Variants in SPATA16 observed in about 807,000 individuals in gnomAD.
The protein encoded by SPATA16 is spermatogenesis associated 16.
Under a neutral mutation model 63.3 loss-of-function variants are expected in SPATA16, and 36 were observed. The observed-to-expected ratio is 0.57, with a 90% CI of 0.44 to 0.75. The LOEUF (loss-of-function observed/expected upper bound fraction) is 0.75, where lower values mean the gene tolerates loss of function less well. Among genes scored for constraint, SPATA16 ranks in the 30% least tolerant of loss-of-function variants. The probability of loss-of-function intolerance (pLI) is 0.00; values close to 1 mark genes in which losing one functional copy is unlikely to be tolerated. For missense variants in SPATA16, 646 were observed against 679.3 expected (o/e 0.95, Z 0.54); for synonymous variants, 203 against 216.7 (o/e 0.94, Z 0.56).
chr3:172,962,630 AT>A (rs1253099545), intron 5 of SPATA16, among the ~76,000 whole-genome samples: 2 of 152,122 alleles, frequency 1.3e-5, no homozygotes, highest in Non-Finnish European at 2.9e-5. Flanking sequence ...TATATAGGCT[AT>A]TTCCTTTAGT....
At chr3:172,904,810 TG>T (rs1732198736) in intron 10 of SPATA16, among the ~76,000 whole-genome samples, 2 of 152,202 alleles carry the variant, frequency 1.3e-5, no homozygotes, top group African/African-American at 2.4e-5. Flanking sequence ...AGGCGAGGCT[TG>T]GGCTTTGCTC....
At chr3:173,082,803 C>T (rs1236566567) in intron 2 of SPATA16, among the ~76,000 whole-genome samples, 1 of 152,106 alleles carries the variant, frequency 6.6e-6, no homozygotes, top group African/African-American at 2.4e-5. Context: ...AGCAGAGGTC[C>T]TTTTATGCTT....
At position 173,139,346 on chromosome 3, in the gene SPATA16, T is replaced by A. The variant is rs371471677; in HGVS notation, c.-19+1757A>T. Among the ~76,000 whole-genome samples the A allele has an allele frequency of 3.3e-4, 51 of 152,342 alleles. 1 individual carries two copies. The highest frequency in any genetic ancestry group is 1.2e-3 in the African/African-American group (48 of 41,578). On this transcript the variant is annotated intron_variant, in intron 1 of 10. Transcript: ENST00000351008. The stretch of plus-strand genomic sequence containing the variant: ...ATAAATTAGTCTTTATTTTGCTATA[T>A]TTAAGCTAGACTGCTATAATATTTT...
At chr3:172,913,621 T>G in intron 10 of SPATA16, 40 bp downstream of exon 10, 458 of 1,583,880 alleles carry the variant, frequency 2.9e-4, no homozygotes, top group Middle Eastern at 6.7e-4. Context: ...ACATTTTCTT[T>G]GAGAATAATA....
intron 2 of SPATA16, among the ~76,000 whole-genome samples, chr3:173,108,058 A>C (rs1177802260): frequency 6.6e-6 from 1 of 152,202 alleles, no homozygotes; most frequent in African/African-American, 2.4e-5. Flanking sequence ...TGTCATTTGA[A>C]TCAAACACAT....
intron 10 of SPATA16, among the ~76,000 whole-genome samples, chr3:172,894,505 AG>A (rs546598859): frequency 0.098 from 13,573 of 138,864 alleles, 679 homozygotes; most frequent in African/African-American, 0.14. Flanking sequence ...AAAAAAAAAA[AG>A]CCAAACTATA....
Position 173,078,657 on chromosome 3 carries a change from T to G in SPATA16, c.613-29563A>C, listed in dbSNP as rs536423222. Among the ~76,000 whole-genome samples the G allele has an allele frequency of 2.6e-5, 4 of 152,322 alleles. No individual in the cohort carries two copies. In the South Asian group the frequency reaches 8.3e-4, roughly 32 times the overall value. On this transcript the variant is annotated intron_variant, in intron 2 of 10. Coordinates refer to ENST00000351008, the MANE Select transcript of SPATA16 (RefSeq NM_031955.6). ...AATGATATCAAGTTTCCAGTCTAAC[T>G]TGACTTCCCAACCGTCACATTTGCA...
intron 2 of SPATA16, among the ~76,000 whole-genome samples, chr3:173,083,112 G>A (rs1029094988): frequency 1.3e-5 from 2 of 151,794 alleles, no homozygotes; most frequent in Non-Finnish European, 2.9e-5. Context: ...AAAAGTCAAA[G>A]TTTTATAGGC....
chr3:172,911,031 C>T (rs957809635), intron 10 of SPATA16, among the ~76,000 whole-genome samples: 3 of 152,116 alleles, frequency 2.0e-5, no homozygotes, highest in African/African-American at 7.2e-5. Flanking sequence ...TCTTTTTTGC[C>T]AACTGTTAGA....
At chr3:172,940,628 G>A (rs1733122189) in intron 6 of SPATA16, among the ~76,000 whole-genome samples, 1 of 152,106 alleles carries the variant, frequency 6.6e-6, no homozygotes, top group Admixed American at 6.6e-5. Context: ...ACACACTGGG[G>A]CCCCATAAGA....
intron 10 of SPATA16, among the ~76,000 whole-genome samples, chr3:172,905,070 A>G (rs185009330): frequency 6.6e-6 from 1 of 152,220 alleles, no homozygotes; most frequent in East Asian, 1.9e-4. Flanking sequence ...ATCAGCAGTA[A>G]AAGCACTTAG....
chr3:173,047,747 T>G (rs369615690), intron 3 of SPATA16, among the ~76,000 whole-genome samples: 2 of 152,064 alleles, frequency 1.3e-5, no homozygotes, highest in African/African-American at 4.8e-5. Context: ...ATATCTTGAT[T>G]TTTTTTTAAA....
At chr3:172,912,264 A>G (rs944788140) in intron 10 of SPATA16, among the ~76,000 whole-genome samples, 1 of 152,190 alleles carries the variant, frequency 6.6e-6, no homozygotes, top group Non-Finnish European at 1.5e-5. Flanking sequence ...ATTTGTTTCC[A>G]TAGATCATTG....
chr3:173,106,258 G>A (rs974812114), intron 2 of SPATA16, among the ~76,000 whole-genome samples: 5 of 151,996 alleles, frequency 3.3e-5, no homozygotes, highest in African/African-American at 1.2e-4. Context: ...CTCCCTATTT[G>A]TTCTTCCCTG....
At chr3:172,890,213 T>C (rs1240161362) in intron 10 of SPATA16, among the ~76,000 whole-genome samples, 1 of 152,194 alleles carries the variant, frequency 6.6e-6, no homozygotes, top group Non-Finnish European at 1.5e-5. Context: ...TCTGAAAGAA[T>C]GCATTTTCTT....
intron 3 of SPATA16, among the ~76,000 whole-genome samples, chr3:173,024,283 C>T (rs1441909775): frequency 1.3e-5 from 2 of 150,988 alleles, no homozygotes; most frequent in Admixed American, 6.6e-5. Flanking sequence ...CTATTTTTTT[C>T]TCTTACTACA....
chr3:172,990,253 T>A (rs1734544893), intron 4 of SPATA16, among the ~76,000 whole-genome samples: 1 of 152,222 alleles, frequency 6.6e-6, no homozygotes, highest in Non-Finnish European at 1.5e-5. Flanking sequence ...TTTTGCTCAT[T>A]GCCATCTATA....
At chr3:172,949,692 A>G (rs1193623310) in intron 6 of SPATA16, among the ~76,000 whole-genome samples, 1 of 152,068 alleles carries the variant, frequency 6.6e-6, no homozygotes, top group Non-Finnish European at 1.5e-5. Flanking sequence ...CGCCTGCTAA[A>G]ATGAGTTCTG....
intron 2 of SPATA16, 114 bp downstream of exon 2, chr3:173,117,006 A>G: frequency 1.9e-6 from 2 of 1,048,726 alleles, no homozygotes; most frequent in Non-Finnish European, 3.0e-6. Context: ...ATCATTACAT[A>G]TCCTCACCTC....
Sources: allele counts gnomAD v4.1 joint callset (sites outside exome capture counted in the v4.1 genomes callset), GRCh38; gene constraint gnomAD v4.1.1; transcripts MANE v1.5; gene names NCBI Gene and HGNC (gene_info 2026-07-23, HGNC 2026-07-21).